SORCS1: variants seen among roughly 807,000 people sequenced by gnomAD.
The protein encoded by SORCS1 is sortilin related VPS10 domain containing receptor 1.
SORCS1 carries 60 observed loss-of-function variants against 146.1 expected under a neutral mutation model. The ratio of observed to expected loss-of-function variants is 0.41; its 90% CI spans 0.33 to 0.51. SORCS1 has a LOEUF of 0.51. Ranked by LOEUF, SORCS1 falls within the 20% of genes least tolerant of loss-of-function variation. SORCS1 has a pLI of 0.21. For missense variants in SORCS1, 1,352 were observed against 1,487.6 expected, an observed-to-expected ratio of 0.91 and a Z score of 1.50; for synonymous variants, 637 against 584.0, an observed-to-expected ratio of 1.09 and a Z score of -1.31.
intron 4 of SORCS1, among the ~76,000 whole-genome samples, chr10:106,771,884 G>C (rs1054734924): frequency 6.6e-6 from 1 of 152,150 alleles, no homozygotes; most frequent in African/African-American, 2.4e-5. Context: ...ATGAACGCAG[G>C]CTACTTATTT....
chr10:106,779,793 A>G (rs1378373468), intron 3 of SORCS1, among the ~76,000 whole-genome samples: 1 of 151,966 alleles, frequency 6.6e-6, no homozygotes, highest in African/African-American at 2.4e-5. Flanking sequence ...CAGCCCCCCA[A>G]ATATTCATTT....
At chr10:106,877,444 G>A (rs1400269146) in intron 2 of SORCS1, among the ~76,000 whole-genome samples, 1 of 152,108 alleles carries the variant, frequency 6.6e-6, no homozygotes, top group Non-Finnish European at 1.5e-5. Flanking sequence ...GTTGTGCATG[G>A]TGGTGCAATG....
chr10:106,954,011 T>C (rs1954822299), intron 2 of SORCS1, among the ~76,000 whole-genome samples: 1 of 152,200 alleles, frequency 6.6e-6, no homozygotes, highest in Admixed American at 6.5e-5. Context: ...ATTTTTTAAA[T>C]TAACCCTTTC....
At chr10:106,631,467 AG>A in intron 18 of SORCS1, among the ~76,000 whole-genome samples, 1 of 152,356 alleles carries the variant, frequency 6.6e-6, no homozygotes, top group South Asian at 2.1e-4. Flanking sequence ...CTGGGAAGCC[AG>A]CCCTAGGTGT....
At chr10:107,004,175 CAAAAA>C (rs1190654041) in intron 1 of SORCS1, among the ~76,000 whole-genome samples, 1 of 49,576 alleles carries the variant, frequency 2.0e-5, no homozygotes, top group Non-Finnish European at 3.6e-5. Context: ...GATCCCATCT[CAAAAA>C]AAAAAAAAAA....
At chr10:106,800,591 G>T (rs1003877905) in intron 3 of SORCS1, among the ~76,000 whole-genome samples, 1 of 147,694 alleles carries the variant, frequency 6.8e-6, no homozygotes, top group Non-Finnish European at 1.5e-5. Flanking sequence ...GCGCGATCTC[G>T]GCTCACTGCA....
At chr10:106,731,595 G>C (rs11816658) in intron 5 of SORCS1, among the ~76,000 whole-genome samples, 2,688 of 152,212 alleles carry the variant, frequency 0.018, 85 homozygotes, top group African/African-American at 0.062. Flanking sequence ...ACAGGGAAAG[G>C]CTTTTCCTCC....
chr10:107,082,426 A>C (rs2134246733), intron 1 of SORCS1, among the ~76,000 whole-genome samples: 1 of 151,758 alleles, frequency 6.6e-6, no homozygotes, highest in Non-Finnish European at 1.5e-5. Context: ...CTTTTGTTTT[A>C]TTTTGTTTAC....
chr10:106,718,981 G>A (rs140005357), intron 6 of SORCS1, among the ~76,000 whole-genome samples: 1 of 141,432 alleles, frequency 7.1e-6, no homozygotes, highest in Non-Finnish European at 1.5e-5. Flanking sequence ...TAGACACAAA[G>A]CACTGATTAG....
Position 106,675,166 on chromosome 10 carries a change from T to TA in SORCS1, c.1833-11dup. ...TTCATCAAAACTCAACCTAATGATA[T>TA]AAAAAATATCAGTCATCAGATCTCC... On this transcript the variant is annotated splice_polypyrimidine_tract_variant and intron_variant, in intron 13 of 25. Transcript: ENST00000263054. 1 of 1,594,030 alleles carries TA rather than the reference T, an allele frequency of 6.3e-7. No homozygotes were observed. The highest frequency in any genetic ancestry group is 8.6e-7 in the Non-Finnish European group (1 of 1,163,986).
At chr10:107,014,969 G>A (rs1029229511) in intron 1 of SORCS1, among the ~76,000 whole-genome samples, 1 of 152,164 alleles carries the variant, frequency 6.6e-6, no homozygotes, top group African/African-American at 2.4e-5. Context: ...ACTACTAAGA[G>A]AATATATTAC....
chr10:107,173,605 T>C, the SORCS1 span, among the ~76,000 whole-genome samples: 2 of 152,214 alleles, frequency 1.3e-5, no homozygotes, highest in African/African-American at 4.8e-5. Flanking sequence ...GCTAATGCTT[T>C]TTATTTTCAG....
At chr10:106,810,207 T>C (rs1947389253) in intron 3 of SORCS1, among the ~76,000 whole-genome samples, 1 of 151,748 alleles carries the variant, frequency 6.6e-6, no homozygotes. Flanking sequence ...GGTGACACAG[T>C]GAGACTCCGT....
intron 1 of SORCS1, among the ~76,000 whole-genome samples, chr10:107,086,620 T>G: frequency 6.6e-6 from 1 of 152,358 alleles, no homozygotes; most frequent in East Asian, 1.9e-4. Context: ...TCTCTTTTTT[T>G]AAAGCAATTG....
At chr10:106,886,594 C>T (rs977846641) in intron 2 of SORCS1, among the ~76,000 whole-genome samples, 1 of 152,150 alleles carries the variant, frequency 6.6e-6, no homozygotes, top group Non-Finnish European at 1.5e-5. Context: ...CCTTACCAGG[C>T]TGGTCAGGAA....
rs34657393 is a variant in SORCS1, at chr10:106,970,905, ATT to A, written c.559-14327_559-14326del. ...AGGCACCCGCCACCATGCACAGCTA[ATT>A]TTTTTTTTTTTTTTTTTTTTTCAGT... On this transcript the variant is annotated intron_variant, in intron 1 of 25. Coordinates refer to ENST00000263054, the MANE Select transcript of SORCS1 (RefSeq NM_052918.5). Among the ~76,000 whole-genome samples the A allele has an allele frequency of 3.9e-3, 377 of 96,468 alleles. 1 individual carries two copies. Among genetic ancestry groups the A allele is most frequent in the Middle Eastern group, 7.1e-3 (1 of 140 alleles). 63.3% of individuals were successfully genotyped at this position (96,468 alleles called of 152,430 possible). A position where few individuals can be genotyped will look rare whatever the true frequency, so the allele number is the denominator to read the frequency against.
At chr10:107,155,901 G>A (rs1328538331) in intron 1 of SORCS1, among the ~76,000 whole-genome samples, 1 of 152,150 alleles carries the variant, frequency 6.6e-6, no homozygotes, top group African/African-American at 2.4e-5. Context: ...TGTGCACACT[G>A]TCACTGTAGG....
intron 3 of SORCS1, 102 bp downstream of exon 3, chr10:106,829,472 C>T: frequency 2.7e-6 from 2 of 733,278 alleles, no homozygotes; most frequent in East Asian, 2.5e-5. Context: ...CATTTCTAAT[C>T]CCAGATTAAC....
chr10:107,143,393 T>A (rs1447343947), intron 1 of SORCS1, among the ~76,000 whole-genome samples: 1 of 152,224 alleles, frequency 6.6e-6, no homozygotes, highest in Non-Finnish European at 1.5e-5. Flanking sequence ...AGTGGCACGA[T>A]GTTGGCTTGC....
Sources: allele counts gnomAD v4.1 joint callset (sites outside exome capture counted in the v4.1 genomes callset), GRCh38; gene constraint gnomAD v4.1.1; transcripts MANE v1.5; gene names NCBI Gene and HGNC (gene_info 2026-07-23, HGNC 2026-07-21).